Variants in DCC observed in about 807,000 individuals in gnomAD.
The protein encoded by DCC is DCC netrin 1 receptor.
In DCC, 58 loss-of-function variants were observed where a neutral mutation model predicts 172.5. The observed-to-expected ratio is 0.34, with a 90% CI of 0.27 to 0.42. The LOEUF (loss-of-function observed/expected upper bound fraction) is 0.42. Among genes scored for constraint, DCC ranks in the 10% least tolerant of loss-of-function variants. DCC has a pLI of 1.00. For missense variants in DCC, 1,740 were observed against 1,791.0 expected, an observed-to-expected ratio of 0.97 and a Z score of 0.51; for synonymous variants, 709 against 644.5, an observed-to-expected ratio of 1.10 and a Z score of -1.52.
intron 17 of DCC, among the ~76,000 whole-genome samples, chr18:53,392,179 C>A (rs1011334587): frequency 1.3e-4 from 19 of 151,232 alleles, no homozygotes; most frequent in Non-Finnish European, 2.4e-4. Context: ...TGCCATTGTC[C>A]CTTTAAAATA....
chr18:53,481,277 T>C (rs1239330643), intron 25 of DCC, among the ~76,000 whole-genome samples: 1 of 152,214 alleles, frequency 6.6e-6, no homozygotes, highest in Non-Finnish European at 1.5e-5. Flanking sequence ...TGACGCTGGC[T>C]ATGATGCTTA....
intron 1 of DCC, among the ~76,000 whole-genome samples, chr18:52,354,466 G>T (rs1243222838): frequency 1.3e-5 from 2 of 152,166 alleles, no homozygotes; most frequent in African/African-American, 2.4e-5. Context: ...TAATCTTGTG[G>T]CAAAGTCTAA....
At chr18:53,403,290 T>C (rs1052604546) in intron 19 of DCC, among the ~76,000 whole-genome samples, 12 of 53,828 alleles carry the variant, frequency 2.2e-4, no homozygotes, top group African/African-American at 4.8e-4. Flanking sequence ...TTAATGACTG[T>C]GTTTGTGTGT....
At chr18:53,225,720 G>T (rs2056016449) in intron 12 of DCC, among the ~76,000 whole-genome samples, 1 of 152,178 alleles carries the variant, frequency 6.6e-6, no homozygotes, top group South Asian at 2.1e-4. Flanking sequence ...TATGATTGCT[G>T]AGTACTGTGG....
chr18:53,526,830 C>T (rs1357719781), intron 28 of DCC, 71 bp downstream of exon 28: 1 of 1,543,332 alleles, frequency 6.5e-7, no homozygotes, highest in African/African-American at 1.4e-5. Flanking sequence ...AGCATCTAAA[C>T]CAATGAGTAC....
chr18:52,976,006 C>T (rs559609209), intron 5 of DCC, among the ~76,000 whole-genome samples: 6 of 152,230 alleles, frequency 3.9e-5, no homozygotes, highest in African/African-American at 9.6e-5. Context: ...TTCTCTACAA[C>T]CTTGCCAGCT....
chr18:52,420,788 T>C (rs1987221996), intron 1 of DCC, among the ~76,000 whole-genome samples: 1 of 152,014 alleles, frequency 6.6e-6, no homozygotes, highest in South Asian at 2.1e-4. Flanking sequence ...ATGAAAACCC[T>C]TGGAGGAAGT....
intron 9 of DCC, among the ~76,000 whole-genome samples, chr18:53,184,171 C>T (rs1282242444): frequency 6.6e-6 from 1 of 152,026 alleles, no homozygotes; most frequent in Admixed American, 6.6e-5. Context: ...GATCACTATA[C>T]AGTCAGCACA....
chr18:53,077,516 A>G (rs1479965644), intron 7 of DCC, among the ~76,000 whole-genome samples: 2 of 152,058 alleles, frequency 1.3e-5, no homozygotes, highest in African/African-American at 2.4e-5. Flanking sequence ...GCCAAATGTA[A>G]TTCACCCCAT....
chr18:52,861,029 A>T (rs8095727), intron 2 of DCC, among the ~76,000 whole-genome samples: 7,824 of 151,606 alleles, frequency 0.052, 268 homozygotes, highest in South Asian at 0.14. Context: ...AAAAAAAAAA[A>T]AATTTTGGCT....
At chr18:52,798,802 G>T (rs894016123) in intron 2 of DCC, among the ~76,000 whole-genome samples, 3 of 151,890 alleles carry the variant, frequency 2.0e-5, no homozygotes, top group African/African-American at 7.3e-5. Flanking sequence ...GCCCAGGCTG[G>T]AGTTCAATGG....
At chr18:53,348,428 C>T (rs559846725) in intron 15 of DCC, among the ~76,000 whole-genome samples, 10 of 152,302 alleles carry the variant, frequency 6.6e-5, no homozygotes, top group African/African-American at 2.4e-4. Flanking sequence ...CAGCCTCCCT[C>T]CTGGCTGCTT....
At chr18:53,184,935 A>ACTG (rs1312056582) in intron 9 of DCC, among the ~76,000 whole-genome samples, 1 of 152,182 alleles carries the variant, frequency 6.6e-6, no homozygotes, top group Non-Finnish European at 1.5e-5. Context: ...ACAATGATTA[A>ACTG]CTGCACTGCA....
At chr18:53,156,556 A>G (rs114345471) in intron 7 of DCC, among the ~76,000 whole-genome samples, 3,403 of 151,650 alleles carry the variant, frequency 0.022, 126 homozygotes, top group African/African-American at 0.077. Context: ...ATAGTATGTG[A>G]TTTTTCTTTG....
chr18:52,812,743 T>C (rs1382705344), intron 2 of DCC, among the ~76,000 whole-genome samples: 1 of 152,230 alleles, frequency 6.6e-6, no homozygotes, highest in South Asian at 2.1e-4. Context: ...GGTCTGGGTT[T>C]CGGCTGTCTC....
intron 7 of DCC, among the ~76,000 whole-genome samples, chr18:53,084,794 T>C (rs565346873): frequency 6.6e-6 from 1 of 152,232 alleles, no homozygotes; most frequent in Admixed American, 6.5e-5. Flanking sequence ...GACACTGAGT[T>C]TGCAGTGATT....
chr18:52,810,040 GTC>G (rs1316059203), intron 2 of DCC, among the ~76,000 whole-genome samples: 2 of 151,634 alleles, frequency 1.3e-5, no homozygotes, highest in African/African-American at 4.9e-5. Flanking sequence ...AGCTAGTCCT[GTC>G]TCTCAATTTC....
At chr18:52,973,770 A>G (rs2041067837) in intron 5 of DCC, among the ~76,000 whole-genome samples, 3 of 152,226 alleles carry the variant, frequency 2.0e-5, no homozygotes, top group Admixed American at 2.0e-4. Flanking sequence ...TGAATAGAGA[A>G]GAGGATGCTA....
intron 5 of DCC, among the ~76,000 whole-genome samples, chr18:53,048,060 TTAAA>T (rs2042281287): frequency 6.6e-6 from 1 of 152,014 alleles, no homozygotes. Context: ...AAATCTTTGT[TTAAA>T]TAGCCTTTTT....
Sources: gnomAD v4.1 joint callset for allele counts (sites outside exome capture counted in the v4.1 genomes callset) on GRCh38, gnomAD v4.1.1 for gene constraint, MANE v1.5 for transcripts, NCBI Gene and HGNC (gene_info 2026-07-23, HGNC 2026-07-21) for gene names.